The following CAGE1 variants were observed in gnomAD, a reference collection of about 807,000 sequenced individuals.
The protein encoded by CAGE1 is cancer-associated gene 1 protein.
CAGE1 carries 66 observed loss-of-function variants against 94.9 expected under a neutral mutation model. The observed-to-expected ratio is 0.70, with a 90% CI of 0.57 to 0.85. The LOEUF (loss-of-function observed/expected upper bound fraction) is 0.85. Ranked by LOEUF, CAGE1 falls within the 40% of genes least tolerant of loss-of-function variation. The probability of loss-of-function intolerance (pLI) is 0.00; values close to 1 mark genes in which losing one functional copy is unlikely to be tolerated. For missense variants in CAGE1, 865 were observed against 950.4 expected (o/e 0.91, Z 1.18); for synonymous variants, 319 against 321.0 (o/e 0.99, Z 0.07).
chr6:7,331,131 C>A (rs552420535), intron 12 of CAGE1, among the ~76,000 whole-genome samples: 10 of 152,270 alleles, frequency 6.6e-5, no homozygotes, highest in African/African-American at 2.4e-4. Flanking sequence ...TTTCTATTTT[C>A]TTTCTCTCTT....
Position 7,339,617 on chromosome 6 carries a change from C to T in CAGE1, c.2370-5527G>A, listed in dbSNP as rs111492309. On this transcript the variant is annotated intron_variant, in intron 11 of 13. Coordinates refer to ENST00000502583, the MANE Select transcript of CAGE1 (RefSeq NM_001170692.2). The surrounding 1 kb of genome is among the most constrained non-coding windows in gnomAD (Gnocchi z 4.7). ...GGAAAGGCACTGTATCATTCTTATG[C>T]CTTTGTGTCCTCATAGCTTAGCTCC... 100 of 672,826 alleles carry T rather than the reference C, an allele frequency of 1.5e-4. 2 individuals carry two copies. The highest frequency in any genetic ancestry group is 1.4e-3 in the African/African-American group (82 of 56,630). The allele number at this position is 672,826 out of a possible 1,614,324, so 41.7% of individuals were successfully genotyped here.
At chr6:7,375,081 T>A (rs1312091613) in intron 4 of CAGE1, among the ~76,000 whole-genome samples, 1 of 149,680 alleles carries the variant, frequency 6.7e-6, no homozygotes, top group African/African-American at 2.5e-5. Flanking sequence ...AAAAAGACAG[T>A]AATTTGTGGT....
At chr6:7,387,317 T>A in intron 1 of CAGE1, 121 bp from the exon 2 acceptor site, 2 of 623,734 alleles carry the variant, frequency 3.2e-6, no homozygotes, top group Non-Finnish European at 5.5e-6. Context: ...TGTCAAGTTA[T>A]TAGAAAAATT....
intron 11 of CAGE1, among the ~76,000 whole-genome samples, chr6:7,344,793 G>A (rs2113376768): frequency 6.6e-6 from 1 of 152,346 alleles, no homozygotes; most frequent in East Asian, 1.9e-4. Context: ...AGCACCCTGT[G>A]TGTAGCTCAG....
rs748087500 is a variant in CAGE1 at position 7,334,104 on chromosome 6, CA to C, written c.2370-15del. The C allele has an allele frequency of 6.8e-7, 1 of 1,475,596 alleles. No homozygotes were observed. Among genetic ancestry groups the C allele is most frequent in the Non-Finnish European group, 9.2e-7 (1 of 1,087,338 alleles). 91.4% of individuals were successfully genotyped at this position (1,475,596 alleles called of 1,614,324 possible). A position where few individuals can be genotyped will look rare whatever the true frequency, so the allele number is the denominator to read the frequency against. ...CTCTCTTCCAAACTGAAAGAAGAAA[CA>C]ATTGAATTTTATGACTAAAATGGAC... On this transcript the variant is annotated splice_polypyrimidine_tract_variant and intron_variant, in intron 11 of 13. Coordinates refer to ENST00000502583, the MANE Select transcript of CAGE1 (RefSeq NM_001170692.2).
chr6:7,328,161 C>T (rs1302384111), intron 13 of CAGE1, among the ~76,000 whole-genome samples: 2 of 152,124 alleles, frequency 1.3e-5, no homozygotes, highest in African/African-American at 2.4e-5. Flanking sequence ...TTTGGGATCA[C>T]TCCAGCAAGT....
In CAGE1 at chr6:7,380,208, G is replaced by T. The variant is rs2113467189; in HGVS notation, c.284-1188C>A. Among the ~76,000 whole-genome samples the T allele has an allele frequency of 1.3e-5, 2 of 152,258 alleles. 1 individual carries two copies. The highest frequency in any genetic ancestry group is 4.1e-4 in the South Asian group (2 of 4,826). ...AAACTACAGCTAACAGATTGTGGGG[G>T]TCTGATAGATGTCCAGTGTCACTGT... On this transcript the variant is annotated intron_variant, in intron 3 of 13. Coordinates refer to ENST00000502583, the MANE Select transcript of CAGE1 (RefSeq NM_001170692.2).
intron 11 of CAGE1, 59 bp downstream of exon 11, chr6:7,354,982 C>T: frequency 8.3e-7 from 1 of 1,210,422 alleles, no homozygotes; most frequent in Non-Finnish European, 1.2e-6. Flanking sequence ...AATTTAGAAT[C>T]CAGAGAATAA....
intron 12 of CAGE1, chr6:7,331,628 G>T: frequency 3.8e-6 from 1 of 266,064 alleles, no homozygotes. Flanking sequence ...CGCTGTTTAA[G>T]ATAGAACTTC....
intron 11 of CAGE1, chr6:7,342,168 G>A: frequency 9.8e-7 from 1 of 1,016,054 alleles, no homozygotes; most frequent in Non-Finnish European, 1.6e-6. Flanking sequence ...CAGGCTGCCT[G>A]GACAGTTGGG....
rs1300136497 is a variant in CAGE1 at position 7,362,406 on chromosome 6, C to T, written c.2193+3062G>A. Reference sequence around the variant, plus strand: ...TGCCTTGTTCCCAGTGGTCAAATCCCTGACTGTATCAGTGTCTTCCTGGAC... The same window carrying T: ...TGCCTTGTTCCCAGTGGTCAAATCCTTGACTGTATCAGTGTCTTCCTGGAC... On this transcript the variant is annotated intron_variant, in intron 9 of 13. Coordinates refer to ENST00000502583, the MANE Select transcript of CAGE1 (RefSeq NM_001170692.2). The surrounding 1 kb of genome is among the most constrained non-coding windows in gnomAD (Gnocchi z 4.1). 6.6e-6 allele frequency among the ~76,000 whole-genome samples: 1 copy of T among 152,180 alleles called. No homozygotes were observed. Among genetic ancestry groups the T allele is most frequent in the Non-Finnish European group, 1.5e-5 (1 of 68,034 alleles).
intron 4 of CAGE1, among the ~76,000 whole-genome samples, chr6:7,376,481 CT>C (rs1481289072): frequency 6.6e-6 from 1 of 152,112 alleles, no homozygotes; most frequent in African/African-American, 2.4e-5. Context: ...ATCTCACCTT[CT>C]TTTGCCCCTC....
chr6:7,358,775 G>GC (rs1760068628), intron 9 of CAGE1, among the ~76,000 whole-genome samples: 1 of 152,164 alleles, frequency 6.6e-6, no homozygotes, highest in Non-Finnish European at 1.5e-5. Flanking sequence ...AGCCAAGATT[G>GC]CACCACTACA....
At chr6:7,349,000 G>A (rs1049959297) in intron 11 of CAGE1, among the ~76,000 whole-genome samples, 10 of 152,242 alleles carry the variant, frequency 6.6e-5, no homozygotes, top group South Asian at 2.1e-4. Flanking sequence ...GGGAATAATC[G>A]AGGAAAACTT....
chr6:7,338,969 A>G, intron 11 of CAGE1: 1 of 1,609,866 alleles, frequency 6.2e-7, no homozygotes, highest in Non-Finnish European at 8.5e-7. Context: ...GGGGCTTCTT[A>G]GGGCCAATCT....
intron 9 of CAGE1, among the ~76,000 whole-genome samples, chr6:7,363,872 T>C (rs937266725): frequency 6.6e-6 from 1 of 152,248 alleles, no homozygotes; most frequent in Non-Finnish European, 1.5e-5. Context: ...CTTAATTTAT[T>C]CAGGAGTGCA....
At chr6:7,375,168 C>T (rs953623315) in intron 4 of CAGE1, among the ~76,000 whole-genome samples, 2 of 151,708 alleles carry the variant, frequency 1.3e-5, no homozygotes, top group East Asian at 1.9e-4. Flanking sequence ...CCCAGTACTT[C>T]AGGAGGCTGA....
chr6:7,380,264 C>A (rs1217544930), intron 3 of CAGE1, among the ~76,000 whole-genome samples: 1 of 152,130 alleles, frequency 6.6e-6, no homozygotes, highest in Non-Finnish European at 1.5e-5. Flanking sequence ...CCCTGCAACA[C>A]TTTAGGTGAG....
intron 12 of CAGE1, 134 bp downstream of exon 12, chr6:7,333,888 G>A (rs1359765620): frequency 2.5e-5 from 13 of 526,746 alleles, no homozygotes; most frequent in African/African-American, 9.9e-5. Context: ...GGCTGGTCTC[G>A]AACTCCTGAC....
Sources: gnomAD v4.1 joint callset for allele counts (sites outside exome capture counted in the v4.1 genomes callset) on GRCh38, gnomAD v4.1.1 for gene constraint, Gnocchi (gnomAD v3.1) non-coding constraint, MANE v1.5 for transcripts, NCBI Gene and HGNC (gene_info 2026-07-23, HGNC 2026-07-21) for gene names.